SGSM1: variants seen among roughly 807,000 people sequenced by gnomAD.
The protein encoded by SGSM1 is small G protein signaling modulator 1.
A neutral mutation model predicts 133.8 loss-of-function variants in SGSM1; 73 were observed. That is an observed-to-expected ratio of 0.55 (90% CI 0.45 to 0.66). SGSM1 has a LOEUF of 0.66. Among genes scored for constraint, SGSM1 ranks in the 30% least tolerant of loss-of-function variants. The pLI is 0.00. For missense variants in SGSM1, 1,213 were observed against 1,448.1 expected (o/e 0.84, Z 2.64); for synonymous variants, 563 against 573.0 (o/e 0.98, Z 0.25).
In SGSM1 at chr22:24,879,469, C is replaced by T; in HGVS notation, c.1438C>T (p.Leu480=). Residue 480 remains leucine, a synonymous_variant, in exon 14 of 25, where the codon CTG becomes TTG. Coordinates refer to ENST00000400358, the MANE Select transcript of SGSM1 (RefSeq NM_001098497.3). The part of the protein sequence containing the change: ...TNGCNHERAP[L]KLLCDNMKYQ... ...CTCTTTCTCCACCTGCAGGGCTCCC[C>T]TGAAACTTCTCTGTGACAATATGAA... 1 of 1,613,814 alleles carries T rather than the reference C, an allele frequency of 6.2e-7. No homozygotes were observed. The highest frequency in any genetic ancestry group is 1.1e-5 in the South Asian group (1 of 90,950).
At chr22:24,904,308 C>T (rs1378120251) in intron 20 of SGSM1, among the ~76,000 whole-genome samples, 1 of 152,060 alleles carries the variant, frequency 6.6e-6, no homozygotes. Context: ...AGGCCGGGCG[C>T]AGTGTCTCAC....
intron 12 of SGSM1, among the ~76,000 whole-genome samples, chr22:24,874,913 G>A (rs1931955501): frequency 6.6e-6 from 1 of 152,196 alleles, no homozygotes; most frequent in Non-Finnish European, 1.5e-5. Flanking sequence ...CATTTTACAG[G>A]GGCTTACTGA....
chr22:24,877,734 G>A (rs1390520829), intron 13 of SGSM1, among the ~76,000 whole-genome samples: 5 of 150,830 alleles, frequency 3.3e-5, no homozygotes, highest in South Asian at 4.2e-4. Context: ...TGTATTTAAC[G>A]TGGTTTCAAG....
At chr22:24,876,376 C>T (rs986929880) in intron 12 of SGSM1, among the ~76,000 whole-genome samples, 8 of 152,168 alleles carry the variant, frequency 5.3e-5, no homozygotes, top group African/African-American at 1.9e-4. Context: ...CAGCTCTGCC[C>T]CAGATTTTGG....
intron 2 of SGSM1, among the ~76,000 whole-genome samples, chr22:24,815,515 G>C (rs1253289591): frequency 6.6e-6 from 1 of 152,142 alleles, no homozygotes; most frequent in Non-Finnish European, 1.5e-5. Context: ...GGCCGAGGCA[G>C]GCGGATCACG....
At position 24,924,540 on chromosome 22, in the gene SGSM1, G is replaced by A. The variant is rs368460513; in HGVS notation, c.*266G>A. On this transcript the variant is annotated 3_prime_UTR_variant, in exon 25 of 25. Transcript: ENST00000400358. ...TCCTCCCTTGCAGGAGGTGGAGGTT[G>A]TTGGTGGAGGAGGAGCCATCTTTGT... The A allele has an allele frequency of 2.0e-3, 985 of 487,152 alleles. 8 individuals are homozygous for A. Among genetic ancestry groups the A allele is most frequent in the South Asian group, 0.013 (493 of 38,456 alleles). The allele number at this position is 487,152 out of a possible 1,614,324, so 30.2% of individuals were successfully genotyped here. A position where few individuals can be genotyped will look rare whatever the true frequency, so the allele number is the denominator to read the frequency against.
chr22:24,840,078 GACT>G (rs1215921660), intron 2 of SGSM1, among the ~76,000 whole-genome samples: 1 of 151,694 alleles, frequency 6.6e-6, no homozygotes, highest in Admixed American at 6.6e-5. Context: ...GAGTAGCTGG[GACT>G]ACAGGTGCCC....
intron 5 of SGSM1, among the ~76,000 whole-genome samples, chr22:24,853,306 A>G (rs933522608): frequency 3.9e-5 from 6 of 152,228 alleles, no homozygotes; most frequent in Non-Finnish European, 8.8e-5. Context: ...TGTGGCCTCC[A>G]GCAAATAAAT....
At chr22:24,826,443 G>T (rs1262376256) in intron 2 of SGSM1, among the ~76,000 whole-genome samples, 1 of 152,204 alleles carries the variant, frequency 6.6e-6, no homozygotes, top group East Asian at 1.9e-4. Flanking sequence ...AGCCAAGGGG[G>T]CTTAGGACAC....
intron 3 of SGSM1, among the ~76,000 whole-genome samples, chr22:24,846,995 C>T (rs1453032030): frequency 6.6e-6 from 1 of 151,980 alleles, no homozygotes; most frequent in Non-Finnish European, 1.5e-5. Flanking sequence ...CGGCCGCCCC[C>T]ACACCTGGCT....
In SGSM1 at chr22:24,816,296, A is replaced by G. The variant is rs527371060; in HGVS notation, c.63+9812A>G. On this transcript the variant is annotated intron_variant, in intron 2 of 24. Coordinates refer to ENST00000400358, the MANE Select transcript of SGSM1 (RefSeq NM_001098497.3). ...GAGAAACAGCAGAGCAGGGTTTGTT[A>G]GCCAGCTCCATCCTCCATCCTTTTC... is the stretch of plus-strand genomic sequence containing the variant. 5.1e-4 allele frequency among the ~76,000 whole-genome samples: 78 copies of G among 152,358 alleles called. 2 individuals carry two copies. Among genetic ancestry groups the G allele is most frequent in the East Asian group, 1.2e-3 (6 of 5,194 alleles).
At chr22:24,875,151 T>C (rs1476515353) in intron 12 of SGSM1, among the ~76,000 whole-genome samples, 3 of 152,086 alleles carry the variant, frequency 2.0e-5, no homozygotes, top group Non-Finnish European at 4.4e-5. Context: ...GTGGGGACCA[T>C]GACATATGGG....
At chr22:24,867,944 T>C (rs1334895134) in intron 10 of SGSM1, among the ~76,000 whole-genome samples, 3 of 152,190 alleles carry the variant, frequency 2.0e-5, no homozygotes, top group Non-Finnish European at 4.4e-5. Context: ...AATAAGACAG[T>C]GCCTCTAACA....
chr22:24,859,472 G>T, intron 8 of SGSM1: 1 of 553,838 alleles, frequency 1.8e-6, no homozygotes, highest in Non-Finnish European at 3.4e-6. Context: ...GTGTGAAAGT[G>T]ATGGGGGTGG....
intron 2 of SGSM1, among the ~76,000 whole-genome samples, chr22:24,806,735 T>A (rs1845685183): frequency 6.6e-6 from 1 of 151,530 alleles, no homozygotes; most frequent in African/African-American, 2.4e-5. Flanking sequence ...GTGAGGGCCC[T>A]CCAGGTGTGG....
intron 2 of SGSM1, among the ~76,000 whole-genome samples, chr22:24,822,484 T>C (rs1361195748): frequency 1.3e-5 from 2 of 152,226 alleles, no homozygotes; most frequent in East Asian, 3.8e-4. Flanking sequence ...TGGAATTGCA[T>C]AGTACATAGT....
chr22:24,910,958 A>T (rs1933595450), intron 21 of SGSM1, among the ~76,000 whole-genome samples: 1 of 151,848 alleles, frequency 6.6e-6, no homozygotes. Flanking sequence ...ATAAATAAAT[A>T]AAATAAAATA....
intron 2 of SGSM1, among the ~76,000 whole-genome samples, chr22:24,833,091 C>T (rs1475786289): frequency 1.2e-4 from 18 of 151,842 alleles, no homozygotes; most frequent in Admixed American, 8.5e-4. Flanking sequence ...TCCACCACCA[C>T]GCCCGGCTAA....
intron 9 of SGSM1, among the ~76,000 whole-genome samples, chr22:24,866,595 C>G (rs6004334): frequency 0.12 from 18,170 of 152,260 alleles, 1,150 homozygotes; most frequent in South Asian, 0.24. Flanking sequence ...CATCTCTTTG[C>G]TCTGTCTTCC....
Sources: allele counts gnomAD v4.1 joint callset (sites outside exome capture counted in the v4.1 genomes callset), GRCh38; gene constraint gnomAD v4.1.1; transcripts MANE v1.5; gene names NCBI Gene and HGNC (gene_info 2026-07-23, HGNC 2026-07-21).